TMEM232: variants seen among roughly 807,000 people sequenced by gnomAD.
TMEM232 encodes the protein transmembrane protein 232.
In TMEM232, 80 loss-of-function variants were observed where a neutral mutation model predicts 78.8. That is an observed-to-expected ratio of 1.01 (90% CI 0.85 to 1.22). TMEM232 has a LOEUF of 1.22. Ranked by LOEUF, TMEM232 falls within the 50% of genes most tolerant of loss-of-function variation. The pLI, the probability that TMEM232 is intolerant of heterozygous loss-of-function variation, is 0.00. For synonymous variants in TMEM232, 297 were observed against 254.3 expected (o/e 1.17, Z -1.60); for missense variants, 881 against 742.2 (o/e 1.19, Z -2.17).
intron 2 of TMEM232, among the ~76,000 whole-genome samples, chr5:110,405,013 T>C (rs1336052457): frequency 6.6e-6 from 1 of 152,152 alleles, no homozygotes; most frequent in East Asian, 1.9e-4. Flanking sequence ...AATTCAGCCA[T>C]GAAAGAGAAG....
Position 110,420,467 on chromosome 5 carries a change from C to A in TMEM232, c.*113G>T. ...AAAACAAATTCTTTCTAAACAATAC[C>A]TCCATTTAATGACAAGAAAGTTCTC... is the stretch of plus-strand genomic sequence containing the variant. On this transcript the variant is annotated 3_prime_UTR_variant, in exon 14 of 14. Coordinates refer to ENST00000455884, the MANE Select transcript of TMEM232 (RefSeq NM_001039763.4). 4.7e-6 allele frequency: 3 copies of A among 637,692 alleles called. No individual in the cohort carries two copies. The highest frequency in any genetic ancestry group is 3.3e-5 in the South Asian group (1 of 30,608). 39.5% of individuals were successfully genotyped at this position (637,692 alleles called of 1,614,324 possible). A position where few individuals can be genotyped will look rare whatever the true frequency, so the allele number is the denominator to read the frequency against.
At chr5:110,656,480 G>T (rs1252895917) in intron 2 of TMEM232, among the ~76,000 whole-genome samples, 1 of 152,066 alleles carries the variant, frequency 6.6e-6, no homozygotes, top group Admixed American at 6.5e-5. Flanking sequence ...AGATATCAAA[G>T]AATACATTAA....
Position 110,516,143 on chromosome 5 carries a change from G to A in TMEM232, c.1703+12445C>T, listed in dbSNP as rs986787135. ...AGTCCCAGCTACTCAGGAGGCTGAC[G>A]CAGGAGAACGGCGTGAACCTGGGAG... On this transcript the variant is annotated intron_variant, in intron 12 of 13. Transcript: ENST00000455884. 8.5e-5 allele frequency among the ~76,000 whole-genome samples: 13 copies of A among 152,120 alleles called. No homozygotes were observed. The South Asian group carries it at 1.0e-3, about 12-fold the overall frequency.
At chr5:110,677,012 T>C (rs1398448787) in intron 1 of TMEM232, among the ~76,000 whole-genome samples, 3 of 152,016 alleles carry the variant, frequency 2.0e-5, no homozygotes, top group Admixed American at 6.6e-5. Flanking sequence ...CTGCCTGCCA[T>C]AGCCTCCCAA....
At chr5:110,423,466 A>T (rs1472683452) in intron 13 of TMEM232, among the ~76,000 whole-genome samples, 4 of 152,200 alleles carry the variant, frequency 2.6e-5, no homozygotes, top group Admixed American at 6.5e-5. Flanking sequence ...AAAAAAATAA[A>T]TATAATATTT....
At chr5:110,674,694 A>G (rs528699689) in intron 1 of TMEM232, among the ~76,000 whole-genome samples, 10 of 152,362 alleles carry the variant, frequency 6.6e-5, no homozygotes, top group South Asian at 4.1e-4. Flanking sequence ...TTGACAAAAA[A>G]GAGTCACAGA....
At chr5:110,655,136 A>T (rs1352957927) in intron 2 of TMEM232, among the ~76,000 whole-genome samples, 7 of 152,150 alleles carry the variant, frequency 4.6e-5, no homozygotes, top group Non-Finnish European at 8.8e-5. Flanking sequence ...AATGGGAGAA[A>T]ATTTTTGCAA....
At chr5:110,428,563 C>A (rs1757493168) in intron 12 of TMEM232, among the ~76,000 whole-genome samples, 1 of 151,612 alleles carries the variant, frequency 6.6e-6, no homozygotes, top group African/African-American at 2.4e-5. Context: ...TCAAATTGAC[C>A]TAATCACATG....
chr5:110,499,641 A>T, intron 12 of TMEM232, among the ~76,000 whole-genome samples: 1 of 139,076 alleles, frequency 7.2e-6, no homozygotes, highest in African/African-American at 3.0e-5. Flanking sequence ...CCCCCCACAC[A>T]CACACATATA....
At position 110,420,519 on chromosome 5, in the gene TMEM232, T is replaced by G. The variant is rs1756521191; in HGVS notation, c.*61A>C. On this transcript the variant is annotated 3_prime_UTR_variant, in exon 14 of 14. Transcript: ENST00000455884. Reference sequence around the variant, plus strand: ...TACTATGTAGCTATCTTGGTATTTTTCATCCTATGTATTTCTGCCATGTAG... The same window carrying G: ...TACTATGTAGCTATCTTGGTATTTTGCATCCTATGTATTTCTGCCATGTAG... The G allele has an allele frequency of 1.9e-6, 2 of 1,053,958 alleles. No homozygotes were observed. Among genetic ancestry groups the G allele is most frequent in the Non-Finnish European group, 2.5e-6 (2 of 784,358 alleles). 65.3% of individuals were successfully genotyped at this position (1,053,958 alleles called of 1,614,324 possible).
intron 12 of TMEM232, among the ~76,000 whole-genome samples, chr5:110,492,948 G>C (rs1342686559): frequency 6.6e-6 from 1 of 151,882 alleles, no homozygotes; most frequent in African/African-American, 2.4e-5. Context: ...GAGAATGAGA[G>C]GCAGTACACA....
At chr5:110,417,679 T>C (rs575722696), downstream of TMEM232, 2 of 142,940 alleles carry the variant, frequency 1.4e-5, no homozygotes, top group East Asian at 4.2e-4. Context: ...AGGCCAAAGA[T>C]GCAAAAGAAA....
intron 5 of TMEM232, among the ~76,000 whole-genome samples, chr5:110,634,390 A>G (rs543529065): frequency 6.6e-5 from 10 of 152,174 alleles, no homozygotes; most frequent in Non-Finnish European, 1.5e-4. Flanking sequence ...CAACAATAGG[A>G]TGCACATTCT....
chr5:110,703,281 T>C (rs1795612280), intron 1 of TMEM232, among the ~76,000 whole-genome samples: 1 of 127,254 alleles, frequency 7.9e-6, no homozygotes, highest in African/African-American at 2.8e-5. Context: ...CCCTTGCTTG[T>C]AATTTATGGT....
chr5:110,424,689 G>T (rs2112635297), intron 13 of TMEM232, 134 bp downstream of exon 13: 2 of 717,954 alleles, frequency 2.8e-6, no homozygotes, highest in African/African-American at 1.8e-5. Context: ...ATATAATTCA[G>T]TTTGGCAAAC....
intron 12 of TMEM232, among the ~76,000 whole-genome samples, chr5:110,521,311 G>T (rs1246231716): frequency 6.6e-6 from 1 of 152,122 alleles, no homozygotes; most frequent in African/African-American, 2.4e-5. Context: ...TAGTAGACCT[G>T]AGAGTTTTTT....
chr5:110,524,417 A>AAG (rs1770217253), intron 12 of TMEM232, among the ~76,000 whole-genome samples: 1 of 47,954 alleles, frequency 2.1e-5, no homozygotes, highest in Non-Finnish European at 5.2e-5. Context: ...GAAAGAAAGA[A>AAG]AAGAAAAGAA....
intron 12 of TMEM232, among the ~76,000 whole-genome samples, chr5:110,468,778 T>C (rs1326911904): frequency 6.6e-6 from 1 of 152,192 alleles, no homozygotes; most frequent in Non-Finnish European, 1.5e-5. Flanking sequence ...GTCAGTAAGA[T>C]GGCTGTCTAG....
At chr5:110,524,407 GAAAGAAAGA>G (rs753297974) in intron 12 of TMEM232, among the ~76,000 whole-genome samples, 22,067 of 86,382 alleles carry the variant, frequency 0.26, 2,267 homozygotes, top group Middle Eastern at 0.35. Flanking sequence ...AAGAAAGAAA[GAAAGAAAGA>G]AAAGAAAAGA....
Sources: allele counts gnomAD v4.1 joint callset (sites outside exome capture counted in the v4.1 genomes callset), GRCh38; gene constraint gnomAD v4.1.1; transcripts MANE v1.5; gene names NCBI Gene and HGNC (gene_info 2026-07-23, HGNC 2026-07-21).